The following LEPR variants were observed in gnomAD, a reference collection of about 807,000 sequenced individuals.
LEPR encodes leptin receptor.
LEPR carries 56 observed loss-of-function variants against 114.7 expected under a neutral mutation model. The ratio of observed to expected loss-of-function variants is 0.49; its 90% CI spans 0.39 to 0.61. LEPR has a LOEUF of 0.61. LEPR is among the 20% of genes least tolerant of loss of function. LEPR has a pLI of 0.00. For synonymous variants in LEPR, 443 were observed against 461.4 expected (o/e 0.96, Z 0.51); for missense variants, 1,202 against 1,352.9 (o/e 0.89, Z 1.75).
intron 5 of LEPR, among the ~76,000 whole-genome samples, chr1:65,581,791 C>T (rs1235833774): frequency 1.3e-5 from 2 of 152,180 alleles, no homozygotes; most frequent in African/African-American, 4.8e-5. Context: ...GAGACATCCG[C>T]AACACTTGCT....
At chr1:65,584,398 AATCTATAT>A (rs1655186170) in intron 5 of LEPR, among the ~76,000 whole-genome samples, 1 of 152,136 alleles carries the variant, frequency 6.6e-6, no homozygotes, top group Non-Finnish European at 1.5e-5. Flanking sequence ...AATATACACA[AATCTATAT>A]ATCTATATAT....
At chr1:65,593,152 T>TA (rs369025550) in intron 6 of LEPR, among the ~76,000 whole-genome samples, 103 of 132,294 alleles carry the variant, frequency 7.8e-4, no homozygotes, top group African/African-American at 2.9e-3. Context: ...ACATCTCAGA[T>TA]AACTATTTTT....
chr1:65,474,171 G>T (rs1214239882), intron 2 of LEPR, among the ~76,000 whole-genome samples: 1 of 152,134 alleles, frequency 6.6e-6, no homozygotes, highest in East Asian at 1.9e-4. Flanking sequence ...TACACTTGTT[G>T]TATCCCCTAG....
chr1:65,476,442 C>T (rs1647160996), intron 2 of LEPR, among the ~76,000 whole-genome samples: 2 of 152,092 alleles, frequency 1.3e-5, no homozygotes, highest in Admixed American at 6.5e-5. Context: ...ACTCCCGGAG[C>T]TTGTGGTCCA....
At position 65,432,814 on chromosome 1, in the gene LEPR, G is replaced by C. The variant is rs1044114743; in HGVS notation, c.-21+7436G>C. ...ATTGCTAAGAGAGTAAATTTCTAATGTTCTCATAAAAAAGTTAAATATTTG... is the reference window on the plus strand; with the variant it reads ...ATTGCTAAGAGAGTAAATTTCTAATCTTCTCATAAAAAAGTTAAATATTTG... On this transcript the variant is annotated intron_variant, in intron 2 of 19. Transcript: ENST00000349533. 5 of 564,298 alleles carry C rather than the reference G, an allele frequency of 8.9e-6. No individual in the cohort carries two copies. In the African/African-American group the frequency reaches 1.0e-4, roughly 12 times the overall value. 35.0% of individuals were successfully genotyped at this position (564,298 alleles called of 1,614,324 possible). A position where few individuals can be genotyped will look rare whatever the true frequency, so the allele number is the denominator to read the frequency against.
At chr1:65,475,440 GC>G (rs149426640) in intron 2 of LEPR, among the ~76,000 whole-genome samples, 4,552 of 152,242 alleles carry the variant, frequency 0.03, 228 homozygotes, top group African/African-American at 0.1. Flanking sequence ...GTTGAGCAGA[GC>G]CAACACAAAG....
chr1:65,607,873 A>C (rs571557406), intron 11 of LEPR, among the ~76,000 whole-genome samples: 1 of 152,358 alleles, frequency 6.6e-6, no homozygotes, highest in African/African-American at 2.4e-5. Flanking sequence ...ATAGGAAAAC[A>C]GGGAAGATAA....
chr1:65,507,061 T>A (rs893123391), intron 2 of LEPR, among the ~76,000 whole-genome samples: 2 of 151,860 alleles, frequency 1.3e-5, no homozygotes, highest in Admixed American at 1.3e-4. Flanking sequence ...GCTTATTTCA[T>A]TTTTTTTGAG....
At chr1:65,576,190 C>A in intron 5 of LEPR, 1 of 172,030 alleles carries the variant, frequency 5.8e-6, no homozygotes, top group South Asian at 1.5e-4. Context: ...CAGAGTCTTC[C>A]TGACCCTGTG....
At position 65,608,854 on chromosome 1, in the gene LEPR, C is replaced by G; in HGVS notation, c.1705C>G (p.Gln569Glu). The change falls in exon 12 of 20, where the codon CAA becomes GAA. Residue 569 changes from glutamine (Q) to glutamate (E), a missense_variant. Gln to Glu is a conservative substitution (Grantham distance 29). Transcript: ENST00000349533. ...GCCAGTCTTTCCAGAGAATAACCTT[C>G]AATTCCAGATTCGCTATGGTTTAAG... Reference protein sequence around the residue: ...EKPVFPENNLQFQIRYGLSGK... With the variant: ...EKPVFPENNLEFQIRYGLSGK... The G allele has an allele frequency of 6.2e-7, 1 of 1,613,734 alleles. No individual in the cohort carries two copies. Among genetic ancestry groups the G allele is most frequent in the Non-Finnish European group, 8.5e-7 (1 of 1,179,834 alleles).
At chr1:65,537,189 C>T (rs979019258) in intron 2 of LEPR, among the ~76,000 whole-genome samples, 6 of 152,202 alleles carry the variant, frequency 3.9e-5, no homozygotes, top group African/African-American at 1.4e-4. Context: ...AAAAATCTCA[C>T]CTTTCGTTGG....
intron 1 of LEPR, chr1:65,421,496 G>A (rs1462159767): frequency 4.6e-6 from 7 of 1,535,454 alleles, no homozygotes; most frequent in African/African-American, 4.1e-5. Context: ...GTCGAATAGA[G>A]TAGCATGACT....
chr1:65,603,337 G>A (rs6665672), intron 10 of LEPR, among the ~76,000 whole-genome samples: 26,760 of 147,758 alleles, frequency 0.18, 2,517 homozygotes, highest in Middle Eastern at 0.24. Flanking sequence ...TTTTGCCCAC[G>A]CACCACCATT....
intron 2 of LEPR, among the ~76,000 whole-genome samples, chr1:65,534,500 A>G (rs1650620029): frequency 6.6e-6 from 1 of 152,238 alleles, no homozygotes. Flanking sequence ...ACTGAACAAA[A>G]TAGATGAGCA....
intron 2 of LEPR, among the ~76,000 whole-genome samples, chr1:65,494,418 C>T (rs1007263571): frequency 2.0e-5 from 3 of 152,052 alleles, no homozygotes; most frequent in African/African-American, 7.2e-5. Flanking sequence ...TTATAGTCAC[C>T]TCTTGTTCTG....
At chr1:65,451,323 C>T (rs1430094197) in intron 2 of LEPR, among the ~76,000 whole-genome samples, 65 of 151,930 alleles carry the variant, frequency 4.3e-4, no homozygotes, top group Non-Finnish European at 7.4e-4. Flanking sequence ...TGCCATTGCT[C>T]TTGGTGTTTT....
chr1:65,420,827 C>T, intron 1 of LEPR, 87 bp downstream of exon 1: 1 of 1,477,338 alleles, frequency 6.8e-7, no homozygotes, highest in East Asian at 2.6e-5. Flanking sequence ...TTCCGCGCGC[C>T]GTTGGGGAAC....
In LEPR at chr1:65,518,907, T is replaced by TTCTTTCTTTC. The variant is rs372808772; in HGVS notation, c.-20-46635_-20-46626dup. 4.7e-3 allele frequency among the ~76,000 whole-genome samples: 554 copies of TTCTTTCTTTC among 119,116 alleles called. 2 individuals carry two copies. Among genetic ancestry groups the TTCTTTCTTTC allele is most frequent in the African/African-American group, 8.5e-3 (227 of 26,724 alleles). 78.1% of individuals were successfully genotyped at this position (119,116 alleles called of 152,430 possible). ...TTTCTTTCTTTCTTTCTTTCTTTCT[T>TTCTTTCTTTC]TCTTTCTTTCTCTCTTTCTCTGTTT... is the stretch of plus-strand genomic sequence containing the variant. On this transcript the variant is annotated intron_variant, in intron 2 of 19. Coordinates refer to ENST00000349533, the MANE Select transcript of LEPR (RefSeq NM_002303.6).
chr1:65,439,536 G>T (rs1294281747), intron 2 of LEPR, among the ~76,000 whole-genome samples: 2 of 152,170 alleles, frequency 1.3e-5, no homozygotes, highest in East Asian at 3.8e-4. Flanking sequence ...TGAAATTTGG[G>T]CTGGGTGCAA....
Sources: allele counts gnomAD v4.1 joint callset (sites outside exome capture counted in the v4.1 genomes callset), GRCh38; gene constraint gnomAD v4.1.1; transcripts MANE v1.5; gene names NCBI Gene and HGNC (gene_info 2026-07-23, HGNC 2026-07-21).